Variants in PRDM11 observed in about 807,000 individuals in gnomAD.
The protein encoded by PRDM11 is PR/SET domain 11.
In PRDM11, 20 loss-of-function variants were observed where a neutral mutation model predicts 97.8. The ratio of observed to expected loss-of-function variants is 0.20; its 90% CI spans 0.14 to 0.30. PRDM11 has a LOEUF of 0.30. PRDM11 is among the 10% of genes least tolerant of loss of function. The pLI is 1.00. For missense variants in PRDM11, 1,139 were observed against 1,555.2 expected, an observed-to-expected ratio of 0.73 and a Z score of 4.50; for synonymous variants, 599 against 637.7, an observed-to-expected ratio of 0.94 and a Z score of 0.91.
chr11:45,176,169 T>C (rs1238448610), intron 1 of PRDM11, among the ~76,000 whole-genome samples: 1 of 151,856 alleles, frequency 6.6e-6, no homozygotes, highest in Non-Finnish European at 1.5e-5. Flanking sequence ...AGGTCAGGAG[T>C]TCGAGACCAG....
chr11:45,105,535 G>C (rs1199193133), intron 1 of PRDM11, among the ~76,000 whole-genome samples: 2 of 152,232 alleles, frequency 1.3e-5, no homozygotes, highest in Non-Finnish European at 2.9e-5. Context: ...CCTCATCACT[G>C]TGAGAGGGCC....
At chr11:45,135,983 T>A (rs1480455412) in intron 1 of PRDM11, among the ~76,000 whole-genome samples, 1 of 152,118 alleles carries the variant, frequency 6.6e-6, no homozygotes, top group African/African-American at 2.4e-5. Flanking sequence ...GTGGATGAGA[T>A]CCTAGAACAG....
intron 1 of PRDM11, among the ~76,000 whole-genome samples, chr11:45,163,664 T>C (rs1387990659): frequency 1.3e-5 from 2 of 152,222 alleles, no homozygotes; most frequent in African/African-American, 4.8e-5. Flanking sequence ...CTGTGTGGCT[T>C]TGAGTAAGTC....
chr11:45,209,202 G>A (rs928060724), intron 5 of PRDM11: 5 of 441,478 alleles, frequency 1.1e-5, no homozygotes, highest in East Asian at 7.1e-5. Flanking sequence ...CACGGCCCAC[G>A]AGAGGGCCAT....
At chr11:45,178,374 A>G (rs1188411154) in intron 1 of PRDM11, among the ~76,000 whole-genome samples, 1 of 152,114 alleles carries the variant, frequency 6.6e-6, no homozygotes, top group South Asian at 2.1e-4. Flanking sequence ...TCCCCAACTT[A>G]TCGTCAGAAT....
chr11:45,139,905 GAA>G (rs1565255053), intron 1 of PRDM11, among the ~76,000 whole-genome samples: 2 of 152,112 alleles, frequency 1.3e-5, no homozygotes, highest in Non-Finnish European at 2.9e-5. Flanking sequence ...GAAAGAGAGA[GAA>G]ACAATGTTGA....
At chr11:45,154,327 G>A (rs1201258358) in intron 1 of PRDM11, among the ~76,000 whole-genome samples, 1 of 152,178 alleles carries the variant, frequency 6.6e-6, no homozygotes, top group East Asian at 1.9e-4. Flanking sequence ...CTGTACTCCT[G>A]CCTGGGAGAC....
intron 1 of PRDM11, among the ~76,000 whole-genome samples, chr11:45,126,640 T>C (rs1220420195): frequency 6.6e-6 from 1 of 152,220 alleles, no homozygotes; most frequent in African/African-American, 2.4e-5. Context: ...AAAATTCTTT[T>C]CTTTAAGAAT....
Position 45,181,780 on chromosome 11 carries a change from T to A in PRDM11, c.14T>A (p.Met5Lys), listed in dbSNP as rs368799004. MTEN[M>K]KECLAQTNAA... The stretch of plus-strand genomic sequence containing the variant: ...TCCCAGGACAGAATGACCGAGAACA[T>A]GAAGGAGTGCTTGGCCCAGACCAAT... Residue 5 changes from methionine (M) to lysine (K), a missense_variant, in exon 2 of 8, where the codon ATG (methionine) becomes AAG (lysine). Around this residue, in one of 2 missense-constraint regions of PRDM11, gnomAD observed 429 missense variants for 510.3 expected, o/e 0.84. Coordinates refer to ENST00000683152, the MANE Select transcript of PRDM11 (RefSeq NM_001384648.1). 21 of 1,612,902 alleles carry A rather than the reference T, an allele frequency of 1.3e-5. No homozygotes were observed. Among genetic ancestry groups the A allele is most frequent in the Non-Finnish European group, 1.8e-5 (21 of 1,179,762 alleles).
At chr11:45,188,212 CTA>C (rs747687835) in intron 4 of PRDM11, among the ~76,000 whole-genome samples, 2 of 152,202 alleles carry the variant, frequency 1.3e-5, no homozygotes, top group Non-Finnish European at 2.9e-5. Context: ...TGAGCACTTA[CTA>C]TGTGTCTGGG....
intron 5 of PRDM11, chr11:45,213,569 G>C (rs1853854634): frequency 2.2e-6 from 1 of 456,430 alleles, no homozygotes; most frequent in Non-Finnish European, 4.4e-6. Context: ...CGCGTGCTCA[G>C]CTGCTGTGCT....
At chr11:45,173,350 G>A (rs1165783384) in intron 1 of PRDM11, among the ~76,000 whole-genome samples, 2 of 152,186 alleles carry the variant, frequency 1.3e-5, no homozygotes, top group South Asian at 2.1e-4. Context: ...GGCTGGGCGC[G>A]GTAGCTCACG....
At chr11:45,100,746 C>T (rs1305438181) in intron 1 of PRDM11, among the ~76,000 whole-genome samples, 2 of 152,234 alleles carry the variant, frequency 1.3e-5, no homozygotes, top group African/African-American at 4.8e-5. Flanking sequence ...AGCTCATAAG[C>T]CACAACAGAA....
Position 45,101,670 on chromosome 11 carries a change from T to C in PRDM11, c.96+5769T>C, listed in dbSNP as rs1590336746. 2.2e-5 allele frequency among the ~76,000 whole-genome samples: 3 copies of C among 137,018 alleles called. 1 individual carries two copies. The highest frequency in any genetic ancestry group is 3.1e-5 in the Non-Finnish European group (2 of 64,202). 89.9% of individuals were successfully genotyped at this position (137,018 alleles called of 152,430 possible). On this transcript the variant is annotated intron_variant, in intron 1 of 6. Transcript: ENST00000530656. ...GCGTTCAGGGCTCAGAGCTGGAGGC[T>C]GAGCGGAGGAAGAAGAAGGCGTTCA...
intron 1 of PRDM11, among the ~76,000 whole-genome samples, chr11:45,099,973 G>A (rs1320329743): frequency 1.3e-5 from 2 of 152,190 alleles, no homozygotes; most frequent in Non-Finnish European, 2.9e-5. Context: ...AAGTTTTATG[G>A]GATGGGAGAA....
intron 1 of PRDM11, among the ~76,000 whole-genome samples, chr11:45,105,860 A>G (rs1852053222): frequency 6.6e-6 from 1 of 152,186 alleles, no homozygotes; most frequent in African/African-American, 2.4e-5. Context: ...CTTGGTGCTA[A>G]GCCCCAGGGC....
chr11:45,182,732 T>C (rs1852555675), intron 3 of PRDM11, 129 bp from the exon 4 acceptor site: 1 of 1,175,978 alleles, frequency 8.5e-7, no homozygotes, highest in Non-Finnish European at 1.2e-6. Flanking sequence ...GGGTTATTGC[T>C]ACCGATGACC....
rs965006806 is a variant in PRDM11 at position 45,146,755 on chromosome 11, G to C, written c.-129G>C. On this transcript the variant is annotated 5_prime_UTR_variant, in exon 1 of 8. Transcript: ENST00000683152. The stretch of plus-strand genomic sequence containing the variant: ...ACTTTGCCTCGCCGGGGACCAGCGC[G>C]CCCGCAGCGCGGCCGCTCCCTCCGC... 1 of 147,538 alleles carries C rather than the reference G, an allele frequency of 6.8e-6. No homozygotes were observed. Among genetic ancestry groups the C allele is most frequent in the Non-Finnish European group, 1.5e-5 (1 of 66,338 alleles). 9.1% of individuals were successfully genotyped at this position (147,538 alleles called of 1,614,324 possible).
chr11:45,165,651 G>A (rs1270745665), intron 1 of PRDM11, among the ~76,000 whole-genome samples: 2 of 152,376 alleles, frequency 1.3e-5, no homozygotes, highest in African/African-American at 2.4e-5. Context: ...GGGACTGCCC[G>A]CGTGGTGTTG....
Sources: gnomAD v4.1 joint callset for allele counts (sites outside exome capture counted in the v4.1 genomes callset) on GRCh38, gnomAD v4.1.1 for gene constraint, gnomAD v4.1.1 regional missense constraint, MANE v1.5 for transcripts, NCBI Gene and HGNC (gene_info 2026-07-23, HGNC 2026-07-21) for gene names.